CDH8: variants seen among roughly 807,000 people sequenced by gnomAD.
CDH8 encodes cadherin-8.
In CDH8, 17 loss-of-function variants were observed where a neutral mutation model predicts 68.1. That is an observed-to-expected ratio of 0.25 (90% CI 0.17 to 0.37). The LOEUF (loss-of-function observed/expected upper bound fraction) is 0.37, where lower values mean the gene tolerates loss of function less well. CDH8 is among the 10% of genes least tolerant of loss of function. The probability of loss-of-function intolerance (pLI) is 1.00; values close to 1 mark genes in which losing one functional copy is unlikely to be tolerated. For synonymous variants in CDH8, 372 were observed against 365.1 expected (o/e 1.02, Z -0.21); for missense variants, 763 against 999.3 (o/e 0.76, Z 3.19).
rs1335932174 is a variant in CDH8 at position 61,843,148 on chromosome 16, G to T, written c.667+13971C>A. ...AGGGCTGCTCCACCAAGATAATAAG[G>T]CTGGTATTTGTTTTGTGTATTAAAT... is the stretch of plus-strand genomic sequence containing the variant. On this transcript the variant is annotated intron_variant, in intron 4 of 11. Transcript: ENST00000577390. Among the ~76,000 whole-genome samples, 3 of 151,940 alleles carry T rather than the reference G, an allele frequency of 2.0e-5. No homozygotes were observed. In the East Asian group the frequency reaches 5.8e-4, roughly 29 times the overall value.
At chr16:61,753,345 T>A (rs1960222815) in intron 8 of CDH8, among the ~76,000 whole-genome samples, 1 of 151,718 alleles carries the variant, frequency 6.6e-6, no homozygotes, top group Non-Finnish European at 1.5e-5. Flanking sequence ...GCTCAAGCAA[T>A]CCTCTCACCT....
In CDH8 at chr16:61,991,046, T is replaced by C. The variant is rs143957358; in HGVS notation, c.252+30106A>G. On this transcript the variant is annotated intron_variant, in intron 2 of 11. Coordinates refer to ENST00000577390, the MANE Select transcript of CDH8 (RefSeq NM_001796.5). Reference sequence around the variant, plus strand: ...GGAGCTGAGAGTGTCAAGTGCAAAGTTGCACATTAGTTGAATATTAAAGAG... The same window carrying C: ...GGAGCTGAGAGTGTCAAGTGCAAAGCTGCACATTAGTTGAATATTAAAGAG... Among the ~76,000 whole-genome samples the C allele has an allele frequency of 2.9e-4, 44 of 152,218 alleles. No homozygotes were observed. The East Asian group carries it at 8.1e-3, about 28-fold the overall frequency.
intron 2 of CDH8, among the ~76,000 whole-genome samples, chr16:61,997,536 C>T (rs768082200): frequency 6.6e-6 from 1 of 152,060 alleles, no homozygotes; most frequent in Middle Eastern, 3.2e-3. Flanking sequence ...CGAATTAATG[C>T]TAAAACTATT....
At chr16:62,021,626 G>A in intron 1 of CDH8, 24 bp from the exon 2 acceptor site, 9 of 1,285,042 alleles carry the variant, frequency 7.0e-6, no homozygotes, top group Non-Finnish European at 9.0e-6. Flanking sequence ...GAGGAAGAAA[G>A]ATAAGGGTCT....
chr16:62,023,614 AAATG>A (rs1902126252), intron 1 of CDH8, among the ~76,000 whole-genome samples: 2 of 152,220 alleles, frequency 1.3e-5, no homozygotes, highest in African/African-American at 4.8e-5. Context: ...AAAACAAAAA[AAATG>A]AATGAGCAGA....
Position 61,820,847 on chromosome 16 carries a change from C to T in CDH8, c.1023+79G>A, listed in dbSNP as rs558552187. ...ACCAGCTGTGCAATTCTGCCAGGAA[C>T]TCCACACAAGTCCCTCAACTTTAAA... On this transcript the variant is annotated intron_variant, in intron 6 of 11. Coordinates refer to ENST00000577390, the MANE Select transcript of CDH8 (RefSeq NM_001796.5). 2.4e-5 allele frequency: 30 copies of T among 1,243,634 alleles called. No homozygotes were observed. In the African/African-American group the frequency reaches 4.3e-4, roughly 18 times the overall value. The allele number at this position is 1,243,634 out of a possible 1,614,324, so 77.0% of individuals were successfully genotyped here. A position where few individuals can be genotyped will look rare whatever the true frequency, so the allele number is the denominator to read the frequency against.
intron 2 of CDH8, among the ~76,000 whole-genome samples, chr16:61,911,635 C>G (rs911308828): frequency 6.6e-6 from 1 of 150,638 alleles, no homozygotes; most frequent in Non-Finnish European, 1.5e-5. Context: ...CCCCCCCCAC[C>G]ACCTCTCTCT....
In CDH8 at chr16:61,706,620, C is replaced by CAAAAAAAAAA. The variant is rs781148249; in HGVS notation, c.1654+7211_1654+7220dup. On this transcript the variant is annotated intron_variant, in intron 10 of 11. Transcript: ENST00000577390. ...TGGGCACCAGAGCAAGACTCTGTCTCAAAAAAAAAAAAAAAAAAAAAAAAG... is the reference window on the plus strand; with the variant it reads ...TGGGCACCAGAGCAAGACTCTGTCTCAAAAAAAAAAAAAAAAAAAAAAAAAAAAAAAAAAG... 8.3e-5 allele frequency among the ~76,000 whole-genome samples: 5 copies of CAAAAAAAAAA among 60,380 alleles called. 1 individual carries two copies. The highest frequency in any genetic ancestry group is 1.3e-3 in the East Asian group (2 of 1,576). 39.6% of individuals were successfully genotyped at this position (60,380 alleles called of 152,430 possible).
At chr16:61,817,171 A>G (rs1962094088) in intron 7 of CDH8, among the ~76,000 whole-genome samples, 1 of 152,138 alleles carries the variant, frequency 6.6e-6, no homozygotes, top group Non-Finnish European at 1.5e-5. Context: ...AAATAACAAG[A>G]TCCACCCAAA....
At chr16:61,712,877 A>C (rs1854789158) in intron 10 of CDH8, among the ~76,000 whole-genome samples, 1 of 151,688 alleles carries the variant, frequency 6.6e-6, no homozygotes, top group Non-Finnish European at 1.5e-5. Context: ...ATTTTACTTC[A>C]TAAAGGAAAT....
chr16:61,762,577 T>G (rs1345261434), intron 8 of CDH8, among the ~76,000 whole-genome samples: 1 of 152,066 alleles, frequency 6.6e-6, no homozygotes, highest in Non-Finnish European at 1.5e-5. Flanking sequence ...TGCTTAGATA[T>G]TCGTGAAAAA....
At chr16:61,952,671 G>A (rs559362734) in intron 2 of CDH8, among the ~76,000 whole-genome samples, 1 of 152,276 alleles carries the variant, frequency 6.6e-6, no homozygotes, top group South Asian at 2.1e-4. Flanking sequence ...TGCATGATCT[G>A]CAGAAGGTTG....
At chr16:61,947,030 T>C (rs1048634324) in intron 2 of CDH8, among the ~76,000 whole-genome samples, 1 of 152,186 alleles carries the variant, frequency 6.6e-6, no homozygotes, top group South Asian at 2.1e-4. Context: ...TCAACTCTCC[T>C]ATTTACCAGG....
intron 4 of CDH8, among the ~76,000 whole-genome samples, chr16:61,833,065 C>T (rs1367661622): frequency 3.3e-5 from 5 of 151,548 alleles, no homozygotes; most frequent in Non-Finnish European, 7.4e-5. Flanking sequence ...GGGCAGGTCA[C>T]TGAAATTCCC....
intron 2 of CDH8, among the ~76,000 whole-genome samples, chr16:61,958,808 A>G (rs1261770458): frequency 6.6e-6 from 1 of 152,230 alleles, no homozygotes; most frequent in Admixed American, 6.5e-5. Context: ...TACTAAGAGT[A>G]GTATTTCAGA....
At chr16:61,972,574 GTGTGTGTGTGTGTGTGT>G (rs1965359426) in intron 2 of CDH8, among the ~76,000 whole-genome samples, 12 of 107,288 alleles carry the variant, frequency 1.1e-4, no homozygotes, top group Admixed American at 5.6e-4. Flanking sequence ...CATTGTGGGT[GTGTGTGTGTGTGTGTGT>G]GTGTGTGTGT....
chr16:61,913,800 C>A (rs1431582202), intron 2 of CDH8, among the ~76,000 whole-genome samples: 1 of 152,072 alleles, frequency 6.6e-6, no homozygotes, highest in Non-Finnish European at 1.5e-5. Context: ...ATAACTCCTA[C>A]ATTAATAATA....
chr16:61,835,432 T>C (rs1320206703), intron 4 of CDH8, among the ~76,000 whole-genome samples: 3 of 151,932 alleles, frequency 2.0e-5, no homozygotes, highest in Non-Finnish European at 4.4e-5. Context: ...ATCACGTCTC[T>C]ATATTTTTAC....
intron 2 of CDH8, among the ~76,000 whole-genome samples, chr16:61,917,876 G>A (rs993017656): frequency 1.2e-4 from 18 of 152,066 alleles, no homozygotes; most frequent in African/African-American, 4.1e-4. Flanking sequence ...AGAAACAGGG[G>A]TGTCAAGAGT....
Sources: allele counts gnomAD v4.1 joint callset (sites outside exome capture counted in the v4.1 genomes callset), GRCh38; gene constraint gnomAD v4.1.1; transcripts MANE v1.5; gene names NCBI Gene and HGNC (gene_info 2026-07-23, HGNC 2026-07-21).